MOB3B: variants seen among roughly 807,000 people sequenced by gnomAD.
The protein encoded by MOB3B is MOB kinase activator-like 2B.
In MOB3B, 7 loss-of-function variants were observed where a neutral mutation model predicts 18.7. The ratio of observed to expected loss-of-function variants is 0.37; its 90% CI spans 0.21 to 0.70. MOB3B has a LOEUF of 0.70. Ranked by LOEUF, MOB3B falls within the 30% of genes least tolerant of loss-of-function variation. The probability of loss-of-function intolerance (pLI) is 0.52; values close to 1 mark genes in which losing one functional copy is unlikely to be tolerated. For missense variants in MOB3B, 253 were observed against 281.3 expected (o/e 0.90, Z 0.72); for synonymous variants, 111 against 99.9 (o/e 1.11, Z -0.66).
chr9:27,337,640 A>G (rs1820883183), intron 3 of MOB3B, among the ~76,000 whole-genome samples: 1 of 152,252 alleles, frequency 6.6e-6, no homozygotes, highest in African/African-American at 2.4e-5. Context: ...GAGACCAAAG[A>G]AAATGAGCTG....
chr9:27,480,922 A>G (rs1255469632), intron 1 of MOB3B, among the ~76,000 whole-genome samples: 1 of 152,220 alleles, frequency 6.6e-6, no homozygotes, highest in African/African-American at 2.4e-5. Context: ...ATAAAAGAAT[A>G]AAAGAAACGA....
intron 2 of MOB3B, among the ~76,000 whole-genome samples, chr9:27,420,346 A>G (rs886998302): frequency 6.6e-6 from 1 of 151,816 alleles, no homozygotes; most frequent in Non-Finnish European, 1.5e-5. Flanking sequence ...CGAAAAAGAT[A>G]TTTGCACACA....
At chr9:27,358,699 T>C (rs1031338128) in intron 3 of MOB3B, among the ~76,000 whole-genome samples, 11 of 152,314 alleles carry the variant, frequency 7.2e-5, no homozygotes, top group African/African-American at 2.6e-4. Flanking sequence ...GAGTGAGAGA[T>C]AATATAAAAT....
intron 1 of MOB3B, among the ~76,000 whole-genome samples, chr9:27,484,002 C>A (rs1819700560): frequency 6.6e-6 from 1 of 152,174 alleles, no homozygotes; most frequent in African/African-American, 2.4e-5. Flanking sequence ...CTAAGGAGTG[C>A]CAGGGCAGGG....
chr9:27,520,882 A>G (rs1402091356), intron 1 of MOB3B, among the ~76,000 whole-genome samples: 1 of 152,236 alleles, frequency 6.6e-6, no homozygotes, highest in Non-Finnish European at 1.5e-5. Flanking sequence ...TGAATTTCAG[A>G]AAAACAATGA....
chr9:27,337,038 G>A (rs1477372289), intron 3 of MOB3B, among the ~76,000 whole-genome samples: 1 of 152,184 alleles, frequency 6.6e-6, no homozygotes, highest in African/African-American at 2.4e-5. Flanking sequence ...CCCCGTGCCC[G>A]AGCTTGGCCC....
intron 2 of MOB3B, among the ~76,000 whole-genome samples, chr9:27,384,379 T>A (rs1194325575): frequency 2.0e-5 from 3 of 152,136 alleles, no homozygotes; most frequent in East Asian, 1.9e-4. Context: ...TGATGGCATT[T>A]GGTATTGGTT....
chr9:27,469,287 C>T (rs182823186), intron 1 of MOB3B, among the ~76,000 whole-genome samples: 36 of 151,674 alleles, frequency 2.4e-4, no homozygotes, highest in African/African-American at 7.7e-4. Flanking sequence ...TTTTCTAATA[C>T]GAGAAAAAAA....
intron 2 of MOB3B, among the ~76,000 whole-genome samples, chr9:27,405,796 C>T (rs1821959673): frequency 6.6e-6 from 1 of 152,154 alleles, no homozygotes; most frequent in South Asian, 2.1e-4. Context: ...ACATGTGATA[C>T]ATCATACCAA....
chr9:27,382,509 G>C (rs1821592513), intron 2 of MOB3B, among the ~76,000 whole-genome samples: 1 of 152,100 alleles, frequency 6.6e-6, no homozygotes, highest in South Asian at 2.1e-4. Context: ...CCATGGCTGA[G>C]GGTGGAAAAA....
chr9:27,485,194 G>A (rs182289969), intron 1 of MOB3B, among the ~76,000 whole-genome samples: 1 of 152,140 alleles, frequency 6.6e-6, no homozygotes, highest in Admixed American at 6.5e-5. Flanking sequence ...TTTAATCCTC[G>A]AAACAACCCA....
intron 1 of MOB3B, among the ~76,000 whole-genome samples, chr9:27,474,005 C>G (rs1819514151): frequency 6.6e-6 from 1 of 152,158 alleles, no homozygotes; most frequent in Non-Finnish European, 1.5e-5. Context: ...ACACCAGAAC[C>G]CAATCATGCT....
intron 3 of MOB3B, among the ~76,000 whole-genome samples, chr9:27,344,578 A>G (rs1298500139): frequency 5.7e-4 from 87 of 152,220 alleles, no homozygotes; most frequent in Admixed American, 5.7e-3. Context: ...GCCGTCAGGG[A>G]AAGAGTGAGT....
chr9:27,511,558 C>G (rs567314961), intron 1 of MOB3B, among the ~76,000 whole-genome samples: 4 of 152,248 alleles, frequency 2.6e-5, no homozygotes, highest in African/African-American at 9.6e-5. Flanking sequence ...TACCATCCTA[C>G]CAAATAGATT....
At chr9:27,415,815 TGTTGCTGA>T (rs1822137436) in intron 2 of MOB3B, among the ~76,000 whole-genome samples, 1 of 152,204 alleles carries the variant, frequency 6.6e-6, no homozygotes, top group Non-Finnish European at 1.5e-5. Flanking sequence ...ACTGAAGAGC[TGTTGCTGA>T]GGAAAATAAA....
chr9:27,368,164 T>C (rs1480355203), intron 2 of MOB3B, among the ~76,000 whole-genome samples: 2 of 152,122 alleles, frequency 1.3e-5, no homozygotes, highest in Non-Finnish European at 2.9e-5. Flanking sequence ...CAAAACAAGA[T>C]GCAATCGGAT....
At chr9:27,461,371 A>C (rs1341437247) in intron 1 of MOB3B, among the ~76,000 whole-genome samples, 1 of 152,232 alleles carries the variant, frequency 6.6e-6, no homozygotes, top group African/African-American at 2.4e-5. Flanking sequence ...ATCTTTGCCC[A>C]CAGGACAACC....
intron 2 of MOB3B, among the ~76,000 whole-genome samples, chr9:27,374,702 C>T (rs1376073136): frequency 1.3e-5 from 2 of 152,082 alleles, no homozygotes; most frequent in African/African-American, 4.8e-5. Context: ...TAAAATGCTA[C>T]CAATATTTAG....
chr9:27,357,150 T>A (rs1196160123), intron 3 of MOB3B, among the ~76,000 whole-genome samples: 295 of 58,320 alleles, frequency 5.1e-3, no homozygotes, highest in East Asian at 0.014. Flanking sequence ...ATATATGTGT[T>A]TTTTTTTTTG....
Sources: allele counts gnomAD v4.1 joint callset (sites outside exome capture counted in the v4.1 genomes callset), GRCh38; gene constraint gnomAD v4.1.1; transcripts MANE v1.5; gene names NCBI Gene and HGNC (gene_info 2026-07-23, HGNC 2026-07-21).